The following TENM1 variants were observed in gnomAD, a reference collection of about 807,000 sequenced individuals.
TENM1 encodes teneurin-1.
TENM1 carries 35 observed loss-of-function variants against 174.8 expected under a neutral mutation model. That is an observed-to-expected ratio of 0.20 (90% CI 0.15 to 0.27). The LOEUF (loss-of-function observed/expected upper bound fraction) is 0.27. Among genes scored for constraint, TENM1 ranks in the 10% least tolerant of loss-of-function variants. The pLI is 1.00. For synonymous variants in TENM1, 781 were observed against 798.7 expected, an observed-to-expected ratio of 0.98 and a Z score of 0.37; for missense variants, 1,633 against 2,130.1, an observed-to-expected ratio of 0.77 and a Z score of 4.59.
At chrX:124,478,145 A>C (rs1441697062) in intron 22 of TENM1, among the ~76,000 whole-genome samples, 1 of 112,322 alleles carries the variant, frequency 8.9e-6, no homozygotes, top group Non-Finnish European at 1.9e-5. Context: ...GAATTTCAGG[A>C]CCCAGTGTTT....
chrX:124,686,910 G>C (rs112539062), intron 5 of TENM1, among the ~76,000 whole-genome samples: 2,350 of 111,657 alleles, frequency 0.021, 30 homozygotes, highest in African/African-American at 0.039. Context: ...AGTATTGGAA[G>C]TTCTGGCAGG....
At chrX:124,823,576 C>G (rs1481633046) in intron 3 of TENM1, among the ~76,000 whole-genome samples, 1 of 110,432 alleles carries the variant, frequency 9.1e-6, no homozygotes, top group Non-Finnish European at 1.9e-5. Context: ...AGTCGAAATA[C>G]TAAAAAGTAG....
chrX:124,464,695 C>A (rs2061222314), intron 22 of TENM1, among the ~76,000 whole-genome samples: 2 of 111,968 alleles, frequency 1.8e-5, no homozygotes, highest in Admixed American at 9.5e-5. Flanking sequence ...ATGAATATAA[C>A]AACAGCATAC....
chrX:124,712,760 G>A (rs950713709), intron 4 of TENM1, among the ~76,000 whole-genome samples: 1 of 111,835 alleles, frequency 8.9e-6, no homozygotes, highest in East Asian at 2.8e-4. Flanking sequence ...GGGATGACAG[G>A]CGTGAGACAC....
At chrX:124,388,421 G>A (rs2060247913) in intron 28 of TENM1, among the ~76,000 whole-genome samples, 1 of 112,419 alleles carries the variant, frequency 8.9e-6, no homozygotes, top group African/African-American at 3.2e-5. Flanking sequence ...TGTGGATGAT[G>A]TGATTAGAAA....
chrX:124,893,382 T>C (rs967782480), intron 3 of TENM1, among the ~76,000 whole-genome samples: 5 of 112,597 alleles, frequency 4.4e-5, no homozygotes, highest in Middle Eastern at 9.2e-3. Flanking sequence ...ATATGTAAAA[T>C]GGAAATAATA....
At chrX:124,438,245 T>G (rs1175592543) in intron 23 of TENM1, among the ~76,000 whole-genome samples, 1 of 111,536 alleles carries the variant, frequency 9.0e-6, no homozygotes, top group South Asian at 3.8e-4. Flanking sequence ...GAATCTTGAC[T>G]AGTATTCACA....
chrX:124,426,652 A>T (rs763563821), intron 23 of TENM1, among the ~76,000 whole-genome samples: 1 of 111,449 alleles, frequency 9.0e-6, no homozygotes, highest in East Asian at 2.8e-4. Context: ...TTCTGTTTCT[A>T]TGTTTCTGTG....
the TENM1 span, among the ~76,000 whole-genome samples, chrX:124,995,018 C>T: frequency 9.0e-6 from 1 of 110,717 alleles, no homozygotes; most frequent in East Asian, 2.8e-4. Context: ...CCTCTCCACT[C>T]CTTCTACTCT....
At chrX:124,825,851 A>G (rs1255932341) in intron 3 of TENM1, among the ~76,000 whole-genome samples, 3 of 112,001 alleles carry the variant, frequency 2.7e-5, no homozygotes, top group Admixed American at 9.5e-5. Flanking sequence ...AAATTATTCA[A>G]AGAAAGAAAT....
At chrX:124,811,687 T>A (rs1481793044) in intron 3 of TENM1, among the ~76,000 whole-genome samples, 2 of 108,507 alleles carry the variant, frequency 1.8e-5, no homozygotes, top group Non-Finnish European at 3.9e-5. Flanking sequence ...GGAAATAAAA[T>A]CAGTATGGCA....
rs372689661 is a variant in TENM1, at chrX:124,963,519, G to A, written c.217+18C>T. 9 of 1,139,467 alleles carry A rather than the reference G, an allele frequency of 7.9e-6. No individual in the cohort carries two copies. The African/African-American group carries it at 8.9e-5, about 11-fold the overall frequency. 93.9% of individuals were successfully genotyped at this position (1,139,467 alleles called of 1,213,427 possible). A position where few individuals can be genotyped will look rare whatever the true frequency, so the allele number is the denominator to read the frequency against. On this transcript the variant is annotated intron_variant, in intron 1 of 31. Transcript: ENST00000422452. ...AATGAGAAATAATATTTGTTATAAA[G>A]ATCCAATAAAAACATACCTTGAGTA...
intron 21 of TENM1, among the ~76,000 whole-genome samples, chrX:124,485,178 TTA>T (rs2046927383): frequency 9.0e-6 from 1 of 111,645 alleles, no homozygotes; most frequent in Non-Finnish European, 1.9e-5. Context: ...TTGAGACTGT[TTA>T]TAGTTTTAAT....
At chrX:125,107,665 C>G in the TENM1 span, among the ~76,000 whole-genome samples, 1 of 111,803 alleles carries the variant, frequency 8.9e-6, no homozygotes, top group Non-Finnish European at 1.9e-5. Context: ...ATGCACAAGG[C>G]TCTTTGCTAA....
chrX:124,894,355 G>C lies in TENM1; in HGVS notation c.479-3C>G. On this transcript the variant is annotated splice_polypyrimidine_tract_variant and splice_region_variant and intron_variant, in intron 2 of 31. Transcript: ENST00000422452. ...ACAAACAGGAGAGAATTTGAAACCT[G>C]TAACAGTAAACATTTCACTAGTTAA... is the stretch of plus-strand genomic sequence containing the variant. 1.7e-6 allele frequency: 2 copies of C among 1,188,070 alleles called. No homozygotes were observed. Among genetic ancestry groups the C allele is most frequent in the Non-Finnish European group, 1.1e-6 (1 of 880,125 alleles).
intron 5 of TENM1, among the ~76,000 whole-genome samples, chrX:124,681,516 T>C (rs1297181093): frequency 8.9e-6 from 1 of 111,895 alleles, no homozygotes; most frequent in Non-Finnish European, 1.9e-5. Flanking sequence ...ATCCTATGTA[T>C]TAGACATTGT....
chrX:125,194,733 C>T, the TENM1 span, among the ~76,000 whole-genome samples: 5 of 111,476 alleles, frequency 4.5e-5, no homozygotes, highest in Admixed American at 4.8e-4. Context: ...TCCCCAGGCT[C>T]GGATAGGAAA....
At chrX:124,688,395 GTTTTC>G (rs2052426920) in intron 5 of TENM1, 1 of 109,199 alleles carries the variant, frequency 9.2e-6, no homozygotes, top group Non-Finnish European at 1.9e-5. Flanking sequence ...GATTACAGGA[GTTTTC>G]TTTTATTTTA....
At chrX:125,061,900 T>C in the TENM1 span, among the ~76,000 whole-genome samples, 1 of 111,998 alleles carries the variant, frequency 8.9e-6, no homozygotes, top group African/African-American at 3.2e-5. Context: ...AGTTTGCCTA[T>C]GAGATGTTCT....
Sources: gnomAD v4.1 joint callset for allele counts (sites outside exome capture counted in the v4.1 genomes callset) on GRCh38, gnomAD v4.1.1 for gene constraint, MANE v1.5 for transcripts, NCBI Gene and HGNC (gene_info 2026-07-23, HGNC 2026-07-21) for gene names.